ADGRL2: variants seen among roughly 807,000 people sequenced by gnomAD.
ADGRL2 encodes adhesion G protein-coupled receptor L2.
A neutral mutation model predicts 157.4 loss-of-function variants in ADGRL2; 44 were observed. The ratio of observed to expected loss-of-function variants is 0.28; its 90% CI spans 0.22 to 0.36. The LOEUF (loss-of-function observed/expected upper bound fraction) is 0.36, where lower values mean the gene tolerates loss of function less well. Ranked by LOEUF, ADGRL2 falls within the 10% of genes least tolerant of loss-of-function variation. The pLI, the probability that ADGRL2 is intolerant of heterozygous loss-of-function variation, is 1.00. For missense variants in ADGRL2, 1,510 were observed against 1,768.9 expected, an observed-to-expected ratio of 0.85 and a Z score of 2.63; for synonymous variants, 585 against 624.7, an observed-to-expected ratio of 0.94 and a Z score of 0.95.
intron 3 of ADGRL2, among the ~76,000 whole-genome samples, chr1:81,641,252 A>T (rs558235452): frequency 6.6e-6 from 1 of 152,244 alleles, no homozygotes; most frequent in Non-Finnish European, 1.5e-5. Context: ...TATGAAATGG[A>T]CACATCCAGT....
intron 3 of ADGRL2, among the ~76,000 whole-genome samples, chr1:81,674,353 A>T (rs986954397): frequency 1.3e-5 from 2 of 152,204 alleles, no homozygotes; most frequent in Non-Finnish European, 1.5e-5. Context: ...ACTCTAATGC[A>T]CGTAGAACAC....
intron 1 of ADGRL2, among the ~76,000 whole-genome samples, chr1:81,752,958 T>C (rs2085537990): frequency 6.6e-6 from 1 of 152,194 alleles, no homozygotes. Flanking sequence ...ATACAACTAT[T>C]TTAAAAGAGC....
intron 3 of ADGRL2, among the ~76,000 whole-genome samples, chr1:81,680,024 A>G (rs1007836633): frequency 6.6e-6 from 1 of 152,202 alleles, no homozygotes; most frequent in African/African-American, 2.4e-5. Context: ...GCCCCAAAAA[A>G]CATGTAAACC....
chr1:81,323,245 T>G (rs1047778610), intron 1 of ADGRL2, among the ~76,000 whole-genome samples: 3 of 151,996 alleles, frequency 2.0e-5, no homozygotes, highest in African/African-American at 7.3e-5. Flanking sequence ...TTTTTCTGTT[T>G]TTTTTGTTTT....
intron 11 of ADGRL2, 127 bp from the exon 12 acceptor site, chr1:81,965,931 C>T (rs2149273539): frequency 2.1e-6 from 2 of 956,080 alleles, no homozygotes; most frequent in East Asian, 2.5e-5. Context: ...TTGTTGAAAC[C>T]TAACAGTAAA....
At chr1:81,658,055 A>G (rs1469087641) in intron 3 of ADGRL2, among the ~76,000 whole-genome samples, 1 of 152,148 alleles carries the variant, frequency 6.6e-6, no homozygotes, top group Non-Finnish European at 1.5e-5. Flanking sequence ...TAGTCCATTC[A>G]TTGGTATCTA....
intron 1 of ADGRL2, among the ~76,000 whole-genome samples, chr1:81,348,935 T>C (rs1662674901): frequency 6.6e-6 from 1 of 152,216 alleles, no homozygotes; most frequent in Non-Finnish European, 1.5e-5. Context: ...CATTCACTGA[T>C]TTTAAGAAAA....
At chr1:81,399,212 A>G (rs1027225353) in intron 1 of ADGRL2, among the ~76,000 whole-genome samples, 4 of 152,176 alleles carry the variant, frequency 2.6e-5, no homozygotes, top group Non-Finnish European at 5.9e-5. Context: ...TCATGAGGAC[A>G]ACAAGGGGGA....
Position 81,572,314 on chromosome 1 carries a change from C to G in ADGRL2, c.-247-8562C>G, listed in dbSNP as rs542162721. Reference sequence around the variant, plus strand: ...TATTATATCTACTACAGTGTTCATTCACTCATCCAAACAAACGTTTATTCA... The same window carrying G: ...TATTATATCTACTACAGTGTTCATTGACTCATCCAAACAAACGTTTATTCA... On this transcript the variant is annotated intron_variant, in intron 2 of 24. Transcript: ENST00000370721. 3.9e-5 allele frequency among the ~76,000 whole-genome samples: 6 copies of G among 152,292 alleles called. No homozygotes were observed. In the South Asian group the frequency reaches 1.2e-3, roughly 32 times the overall value.
chr1:81,546,800 G>C (rs1012545679), intron 2 of ADGRL2, among the ~76,000 whole-genome samples: 7 of 152,144 alleles, frequency 4.6e-5, no homozygotes. Context: ...TCTTAGGGGA[G>C]GTGGAGTCCT....
intron 6 of ADGRL2, among the ~76,000 whole-genome samples, chr1:81,946,305 CTAAAAGCACACGCATATTA>C (rs2148998805): frequency 6.6e-6 from 1 of 150,400 alleles, no homozygotes; most frequent in African/African-American, 2.4e-5. Context: ...CTTTTCATTC[CTAAAAGCACACGCATATTA>C]TTTTTGTGCC....
At chr1:81,422,606 CTATA>C (rs1301436837) in intron 1 of ADGRL2, among the ~76,000 whole-genome samples, 24 of 152,330 alleles carry the variant, frequency 1.6e-4, no homozygotes, top group Admixed American at 1.4e-3. Context: ...TTACAGAAAA[CTATA>C]TGCACAAAGT....
intron 1 of ADGRL2, among the ~76,000 whole-genome samples, chr1:81,430,664 A>T (rs1260950349): frequency 6.6e-6 from 1 of 152,076 alleles, no homozygotes; most frequent in Non-Finnish European, 1.5e-5. Context: ...ATGATGTAAG[A>T]TTTCAAGTTA....
intron 2 of ADGRL2, among the ~76,000 whole-genome samples, chr1:81,566,850 A>T (rs2080574306): frequency 6.6e-6 from 1 of 152,146 alleles, no homozygotes. Context: ...ATATTTCTCG[A>T]TATTTCAGTT....
At chr1:81,732,386 C>T (rs1360994764) in intron 1 of ADGRL2, among the ~76,000 whole-genome samples, 1 of 152,070 alleles carries the variant, frequency 6.6e-6, no homozygotes, top group Non-Finnish European at 1.5e-5. Flanking sequence ...ATTGTTCTTC[C>T]TTTATGTCTT....
rs72942806 is a variant in ADGRL2, at chr1:81,488,427, C to T, written c.-248+43338C>T. On this transcript the variant is annotated intron_variant, in intron 2 of 24. Coordinates refer to the ADGRL2 transcript ENST00000370721. ...GATTAAAATGTCCAGAGACCGGGCA[C>T]AGTAGCACAAGCCTGTGATTGTAGC... Among the ~76,000 whole-genome samples, 1,397 of 151,646 alleles carry T rather than the reference C, an allele frequency of 9.2e-3. 31 individuals are homozygous for T. The highest frequency in any genetic ancestry group is 0.031 in the African/African-American group (1,301 of 41,376).
At chr1:81,828,906 TA>T (rs980498709) in intron 1 of ADGRL2, among the ~76,000 whole-genome samples, 84 of 146,736 alleles carry the variant, frequency 5.7e-4, no homozygotes, top group Admixed American at 1.0e-3. Context: ...AATCTCCTCA[TA>T]TTTTTTTTTT....
intron 2 of ADGRL2, chr1:81,505,945 C>A (rs953100167): frequency 8.0e-6 from 2 of 250,778 alleles, no homozygotes; most frequent in Non-Finnish European, 1.6e-5. Flanking sequence ...AAATACTCTG[C>A]AAAGATCATT....
At chr1:81,610,656 G>A (rs942552348) in intron 3 of ADGRL2, among the ~76,000 whole-genome samples, 14 of 152,146 alleles carry the variant, frequency 9.2e-5, no homozygotes, top group African/African-American at 3.1e-4. Flanking sequence ...GGTAAGAGAG[G>A]AATCTGTGAG....
Sources: allele counts gnomAD v4.1 joint callset (sites outside exome capture counted in the v4.1 genomes callset), GRCh38; gene constraint gnomAD v4.1.1; transcripts MANE v1.5; gene names NCBI Gene and HGNC (gene_info 2026-07-23, HGNC 2026-07-21).